Variants in OR6C75 observed in about 807,000 individuals in gnomAD.
OR6C75 encodes olfactory receptor 6C75.
For synonymous variants in OR6C75, 149 were observed against 130.6 expected, an observed-to-expected ratio of 1.14 and a Z score of -0.96; for missense variants, 380 against 368.0, an observed-to-expected ratio of 1.03 and a Z score of -0.27.
At position 55,368,818 on chromosome 12, in the gene OR6C75, C is replaced by T. The variant is rs962398649; in HGVS notation, c.*2769C>T. On this transcript the variant is annotated 3_prime_UTR_variant, in exon 3 of 3. Transcript: ENST00000641576. ...AAATACTTTTTTTTATAGATGTGAG[C>T]GTCCTTCAGCACTTGTCTATTTCTT... The T allele has an allele frequency of 3.3e-5, 5 of 151,882 alleles. No homozygotes were observed. Among genetic ancestry groups the T allele is most frequent in the Non-Finnish European group, 2.9e-5 (2 of 67,982 alleles). The allele number at this position is 151,882 out of a possible 1,614,324, so 9.4% of individuals were successfully genotyped here. A position where few individuals can be genotyped will look rare whatever the true frequency, so the allele number is the denominator to read the frequency against.
rs988732355 is a variant in OR6C75 at position 55,367,042 on chromosome 12, C to G, written c.*993C>G. On this transcript the variant is annotated 3_prime_UTR_variant, in exon 3 of 3. Transcript: ENST00000641576. ...TGATACTGCCCTTTTATAAGGTATTCGGCGAATGATGACGTGGTTTATTAA... is the reference window on the plus strand; with the variant it reads ...TGATACTGCCCTTTTATAAGGTATTGGGCGAATGATGACGTGGTTTATTAA... The G allele has an allele frequency of 6.6e-6, 1 of 152,032 alleles. No homozygotes were observed. Among genetic ancestry groups the G allele is most frequent in the Admixed American group, 6.6e-5 (1 of 15,252 alleles). The allele number at this position is 152,032 out of a possible 1,614,324, so 9.4% of individuals were successfully genotyped here.
intron 2 of OR6C75, among the ~76,000 whole-genome samples, chr12:55,364,524 A>G (rs1365392314): frequency 1.4e-5 from 2 of 148,066 alleles, no homozygotes; most frequent in Non-Finnish European, 3.0e-5. Flanking sequence ...ACAAAGTCTC[A>G]CTATGTTGGC....
chr12:55,363,565 A>C (rs1869717755), intron 1 of OR6C75, among the ~76,000 whole-genome samples: 1 of 152,078 alleles, frequency 6.6e-6, no homozygotes, highest in African/African-American at 2.4e-5. Flanking sequence ...AGTAGATTAT[A>C]AAAATTTGAA....
Position 55,366,058 on chromosome 12 carries a change from A to G in OR6C75, c.*9A>G, listed in dbSNP as rs1159694180. 1.3e-6 allele frequency: 2 copies of G among 1,503,252 alleles called. No individual in the cohort carries two copies. The highest frequency in any genetic ancestry group is 2.6e-5 in the South Asian group (2 of 77,182). The allele number at this position is 1,503,252 out of a possible 1,614,324, so 93.1% of individuals were successfully genotyped here. Reference sequence around the variant, plus strand: ...TTTCTTTAAATAAATGAATGTGATTATGTAAAAAATGTACCCCCAAAGGCA... The same window carrying G: ...TTTCTTTAAATAAATGAATGTGATTGTGTAAAAAATGTACCCCCAAAGGCA... On this transcript the variant is annotated 3_prime_UTR_variant, in exon 3 of 3. Transcript: ENST00000641576.
rs1192493165 is a variant in OR6C75, at chr12:55,366,509, A to G, written c.*460A>G. 6.6e-6 allele frequency: 1 copy of G among 151,624 alleles called. No individual in the cohort carries two copies. The highest frequency in any genetic ancestry group is 2.4e-5 in the African/African-American group (1 of 40,906). The allele number at this position is 151,624 out of a possible 1,614,324, so 9.4% of individuals were successfully genotyped here. On this transcript the variant is annotated 3_prime_UTR_variant, in exon 3 of 3. Coordinates refer to ENST00000641576, the MANE Select transcript of OR6C75 (RefSeq NM_001005497.2). ...GGTAGCTATAAATTAAAAACTTACT[A>G]AAACCACATTCAACTATGAAATTAA...
In OR6C75 at chr12:55,366,074, C is replaced by G; in HGVS notation, c.*25C>G. 1 of 1,410,722 alleles carries G rather than the reference C, an allele frequency of 7.1e-7. No individual in the cohort carries two copies. The highest frequency in any genetic ancestry group is 9.6e-7 in the Non-Finnish European group (1 of 1,038,760). The allele number at this position is 1,410,722 out of a possible 1,614,324, so 87.4% of individuals were successfully genotyped here. A position where few individuals can be genotyped will look rare whatever the true frequency, so the allele number is the denominator to read the frequency against. ...AATGTGATTATGTAAAAAATGTACC[C>G]CCAAAGGCAAAGCTGAATGAAAAAC... On this transcript the variant is annotated 3_prime_UTR_variant, in exon 3 of 3. Coordinates refer to ENST00000641576, the MANE Select transcript of OR6C75 (RefSeq NM_001005497.2).
Position 55,365,340 on chromosome 12 carries a change from C to T in OR6C75, c.230C>T (p.Pro77Leu), listed in dbSNP as rs941586350. 1 of 1,614,022 alleles carries T rather than the reference C, an allele frequency of 6.2e-7. No individual in the cohort carries two copies. The highest frequency in any genetic ancestry group is 8.5e-7 in the Non-Finnish European group (1 of 1,179,936). Residue 77 changes from proline (P) to leucine (L), a missense_variant, in exon 3 of 3, where the codon CCC becomes CTC. Physicochemically the swap from Pro to Leu is moderately conservative, Grantham distance 98. Coordinates refer to ENST00000641576, the MANE Select transcript of OR6C75 (RefSeq NM_001005497.2). ...LEISFTSVCI[P>L]RFLVTVVTGN... ...ATTTCATTCACGTCTGTCTGCATTCCCAGATTCCTTGTCACTGTTGTGACA... is the reference window on the plus strand; with the variant it reads ...ATTTCATTCACGTCTGTCTGCATTCTCAGATTCCTTGTCACTGTTGTGACA...
rs1869835452 is a variant in OR6C75, at chr12:55,367,696, A to G, written c.*1647A>G. ...AAATGAAAGGCATCCAAATAGGAAA[A>G]GAAGAAGTCAAATTATCTCCGTTTA... On this transcript the variant is annotated 3_prime_UTR_variant, in exon 3 of 3. Coordinates refer to ENST00000641576, the MANE Select transcript of OR6C75 (RefSeq NM_001005497.2). 1 of 152,196 alleles carries G rather than the reference A, an allele frequency of 6.6e-6. No individual in the cohort carries two copies. Among genetic ancestry groups the G allele is most frequent in the African/African-American group, 2.4e-5 (1 of 41,448 alleles). The allele number at this position is 152,196 out of a possible 1,614,324, so 9.4% of individuals were successfully genotyped here. A position where few individuals can be genotyped will look rare whatever the true frequency, so the allele number is the denominator to read the frequency against.
Position 55,365,245 on chromosome 12 carries a change from C to T in OR6C75, c.135C>T (p.Thr45=). The T allele has an allele frequency of 1.2e-6, 2 of 1,612,832 alleles. No homozygotes were observed. Among genetic ancestry groups the T allele is most frequent in the Non-Finnish European group, 1.7e-6 (2 of 1,179,508 alleles). The change falls in exon 3 of 3, where the codon ACC becomes ACT. Residue 45 remains threonine (T), a synonymous_variant. Transcript: ENST00000641576. The part of the protein sequence containing the change: ...LSVTGNLIII[T]LTLSDPHLQT... ...TGACTGGGAACCTGATCATTATCACCCTCACCCTTTCAGATCCCCATCTGC... is the reference window on the plus strand; with the variant it reads ...TGACTGGGAACCTGATCATTATCACTCTCACCCTTTCAGATCCCCATCTGC...
In OR6C75 at chr12:55,365,717, G is replaced by A; in HGVS notation, c.607G>A (p.Val203Ile). The change falls in exon 3 of 3, where the codon GTA (valine) becomes ATA (isoleucine). Residue 203 changes from valine to isoleucine, a missense_variant. By Grantham distance (29) the Val-to-Ile change is conservative. Coordinates refer to ENST00000641576, the MANE Select transcript of OR6C75 (RefSeq NM_001005497.2). ...ACTCATGGCATTTTTTTTAGCTGTGGTAACACTGATGGTCACCTTGACATT... is the reference window on the plus strand; with the variant it reads ...ACTCATGGCATTTTTTTTAGCTGTGATAACACTGATGGTCACCTTGACATT... ...LELMAFFLAVVTLMVTLTLVI... is the reference protein window; with the variant it reads ...LELMAFFLAVITLMVTLTLVI... 2.5e-6 allele frequency: 4 copies of A among 1,613,874 alleles called. No homozygotes were observed. Among genetic ancestry groups the A allele is most frequent in the Non-Finnish European group, 3.4e-6 (4 of 1,179,952 alleles).
Sources: allele counts gnomAD v4.1 joint callset (sites outside exome capture counted in the v4.1 genomes callset), GRCh38; gene constraint gnomAD v4.1.1; transcripts MANE v1.5; gene names NCBI Gene and HGNC (gene_info 2026-07-23, HGNC 2026-07-21).